MAPK8: variants seen among roughly 807,000 people sequenced by gnomAD.
The protein encoded by MAPK8 is mitogen-activated protein kinase 8, also known as JUN N-terminal kinase.
Under a neutral mutation model 52.9 loss-of-function variants are expected in MAPK8, and 13 were observed. The ratio of observed to expected loss-of-function variants is 0.25; its 90% CI spans 0.16 to 0.39. The LOEUF (loss-of-function observed/expected upper bound fraction) is 0.39. MAPK8 is among the 10% of genes least tolerant of loss of function. The probability of loss-of-function intolerance (pLI) is 1.00; values close to 1 mark genes in which losing one functional copy is unlikely to be tolerated. For missense variants in MAPK8, 300 were observed against 519.2 expected, an observed-to-expected ratio of 0.58 and a Z score of 4.10; for synonymous variants, 191 against 169.8, an observed-to-expected ratio of 1.12 and a Z score of -0.97.
At chr10:48,339,391 G>A (rs186120739) in intron 1 of MAPK8, among the ~76,000 whole-genome samples, 41 of 152,156 alleles carry the variant, frequency 2.7e-4, no homozygotes, top group Non-Finnish European at 4.4e-4. Flanking sequence ...ATATGTAGAA[G>A]AATGAAAATA....
chr10:48,377,134 CATGTTGCCACTTCT>C (rs770503954), intron 1 of MAPK8, among the ~76,000 whole-genome samples: 163 of 152,248 alleles, frequency 1.1e-3, no homozygotes, highest in Non-Finnish European at 1.8e-3. Context: ...CCAAACACCG[CATGTTGCCACTTCT>C]AAGTGGGAGT....
intron 10 of MAPK8, chr10:48,427,448 G>A (rs75802915): frequency 0.013 from 3,852 of 297,562 alleles, 154 homozygotes; most frequent in African/African-American, 0.077. Flanking sequence ...TTAAAATCAC[G>A]TATGGTTGTG....
chr10:48,394,201 A>C (rs2041774185), intron 1 of MAPK8, among the ~76,000 whole-genome samples: 1 of 151,962 alleles, frequency 6.6e-6, no homozygotes, highest in Admixed American at 6.6e-5. Context: ...TAGTCTATGA[A>C]ACATTTAAAG....
chr10:48,381,507 T>TG (rs1280291921), intron 1 of MAPK8, among the ~76,000 whole-genome samples: 2 of 152,182 alleles, frequency 1.3e-5, no homozygotes, highest in Non-Finnish European at 2.9e-5. Context: ...TAATTTCAAG[T>TG]GAAAAACCTA....
intron 11 of MAPK8, among the ~76,000 whole-genome samples, chr10:48,434,292 G>A (rs898444822): frequency 1.3e-5 from 2 of 152,250 alleles, no homozygotes; most frequent in South Asian, 2.1e-4. Flanking sequence ...CCATAACCTC[G>A]TGTAAAGTGG....
chr10:48,401,639 A>G lies in MAPK8; in HGVS notation c.-22A>G, dbSNP rs199529538. ...TCTTGGTGAATTTTTGGATGAAGCC[A>G]TTAAATTAATTGCTTGCCATCATGA... On this transcript the variant is annotated 5_prime_UTR_variant, in exon 2 of 12. Transcript: ENST00000374189. 93 of 1,609,810 alleles carry G rather than the reference A, an allele frequency of 5.8e-5. No individual in the cohort carries two copies. In the African/African-American group the frequency reaches 1.0e-3, roughly 18 times the overall value.
At chr10:48,317,245 A>T (rs562766128) in intron 1 of MAPK8, among the ~76,000 whole-genome samples, 1 of 152,266 alleles carries the variant, frequency 6.6e-6, no homozygotes, top group Non-Finnish European at 1.5e-5. Context: ...GTGATCGTAG[A>T]TCACTGCAGC....
At chr10:48,400,142 C>T (rs1200727746) in intron 1 of MAPK8, among the ~76,000 whole-genome samples, 1 of 152,174 alleles carries the variant, frequency 6.6e-6, no homozygotes, top group African/African-American at 2.4e-5. Context: ...GAACATAGCT[C>T]AGTGTTTAAA....
chr10:48,385,351 A>C (rs1254121201), intron 1 of MAPK8, among the ~76,000 whole-genome samples: 1 of 152,178 alleles, frequency 6.6e-6, no homozygotes, highest in Admixed American at 6.5e-5. Context: ...CCCAAACCAC[A>C]AAAAAACAAG....
chr10:48,415,758 A>G (rs1248998278), intron 5 of MAPK8, among the ~76,000 whole-genome samples: 1 of 152,238 alleles, frequency 6.6e-6, no homozygotes, highest in African/African-American at 2.4e-5. Context: ...CAATTAGGAT[A>G]CACAATTATA....
intron 1 of MAPK8, among the ~76,000 whole-genome samples, chr10:48,316,073 A>G (rs546920017): frequency 1.2e-4 from 18 of 152,344 alleles, no homozygotes; most frequent in South Asian, 8.3e-4. Flanking sequence ...TAAATGGACA[A>G]GTTGGGGATC....
chr10:48,336,021 A>G (rs1252517799), intron 1 of MAPK8, among the ~76,000 whole-genome samples: 1 of 152,186 alleles, frequency 6.6e-6, no homozygotes, highest in African/African-American at 2.4e-5. Flanking sequence ...GTTTCTTTAT[A>G]CCACCATTGT....
Position 48,333,321 on chromosome 10 carries a change from G to A in MAPK8, c.-50+26500G>A, listed in dbSNP as rs190787687. 4.1e-3 allele frequency among the ~76,000 whole-genome samples: 618 copies of A among 152,278 alleles called. 1 individual carries two copies. The highest frequency in any genetic ancestry group is 0.021 in the South Asian group (103 of 4,822). On this transcript the variant is annotated intron_variant, in intron 1 of 11. Coordinates refer to ENST00000374189, the MANE Select transcript of MAPK8 (RefSeq NM_001323329.2). ...TAATATATTCCTGACTAGGTGTGGGGTGCTTACTATTAGGGCCCCACCAAA... is the reference window on the plus strand; with the variant it reads ...TAATATATTCCTGACTAGGTGTGGGATGCTTACTATTAGGGCCCCACCAAA...
At chr10:48,338,591 A>G (rs540273823) in intron 1 of MAPK8, among the ~76,000 whole-genome samples, 1 of 152,242 alleles carries the variant, frequency 6.6e-6, no homozygotes, top group East Asian at 1.9e-4. Flanking sequence ...GCAATCAGAC[A>G]AAAGAAATAA....
intron 1 of MAPK8, among the ~76,000 whole-genome samples, chr10:48,349,635 A>G (rs1423005032): frequency 6.6e-6 from 1 of 152,214 alleles, no homozygotes; most frequent in African/African-American, 2.4e-5. Flanking sequence ...TTAGAAGGAA[A>G]TTTATAGCAC....
intron 1 of MAPK8, among the ~76,000 whole-genome samples, chr10:48,340,202 A>G (rs147409391): frequency 7.2e-4 from 109 of 152,348 alleles, no homozygotes; most frequent in African/African-American, 2.4e-3. Context: ...CATATGCACC[A>G]TGGATACTAC....
intron 1 of MAPK8, among the ~76,000 whole-genome samples, chr10:48,316,516 C>T (rs1367569951): frequency 1.3e-5 from 2 of 152,056 alleles, no homozygotes; most frequent in African/African-American, 4.8e-5. Flanking sequence ...GAGGCAGCTC[C>T]CGGAAATATA....
intron 1 of MAPK8, among the ~76,000 whole-genome samples, chr10:48,317,353 T>C (rs1267964646): frequency 6.6e-6 from 1 of 151,478 alleles, no homozygotes. Flanking sequence ...TTTGTAAAGA[T>C]GGGGTCTCAC....
chr10:48,404,347 G>T (rs1013699007), intron 2 of MAPK8, among the ~76,000 whole-genome samples: 1 of 149,020 alleles, frequency 6.7e-6, no homozygotes, highest in Non-Finnish European at 1.5e-5. Flanking sequence ...TAGTAGAGGC[G>T]GAGTTTCACT....
Sources: gnomAD v4.1 joint callset for allele counts (sites outside exome capture counted in the v4.1 genomes callset) on GRCh38, gnomAD v4.1.1 for gene constraint, MANE v1.5 for transcripts, NCBI Gene and HGNC (gene_info 2026-07-23, HGNC 2026-07-21) for gene names.